Variants in SRGAP3 observed in about 807,000 individuals in gnomAD.
SRGAP3 encodes SLIT-ROBO Rho GTPase-activating protein 3.
SRGAP3 carries 39 observed loss-of-function variants against 121.1 expected under a neutral mutation model. That is an observed-to-expected ratio of 0.32 (90% CI 0.25 to 0.42). The LOEUF is 0.42. Ranked by LOEUF, SRGAP3 falls within the 10% of genes least tolerant of loss-of-function variation. The pLI, the probability that SRGAP3 is intolerant of heterozygous loss-of-function variation, is 1.00. For missense variants in SRGAP3, 1,213 were observed against 1,470.6 expected (o/e 0.82, Z 2.86); for synonymous variants, 601 against 570.0 (o/e 1.05, Z -0.77).
chr3:9,002,655 G>C (rs1942837348), intron 18 of SRGAP3, among the ~76,000 whole-genome samples: 1 of 152,000 alleles, frequency 6.6e-6, no homozygotes, highest in South Asian at 2.1e-4. Flanking sequence ...CCAAAAGCTG[G>C]TTCTTTGAAA....
rs575094778 is a variant in SRGAP3 at position 9,348,969 on chromosome 3, G to A, written n.214+13871C>T. 112 of 926,920 alleles carry A rather than the reference G, an allele frequency of 1.2e-4. 1 individual carries two copies. The South Asian group carries it at 1.4e-3, about 12-fold the overall frequency. 57.4% of individuals were successfully genotyped at this position (926,920 alleles called of 1,614,324 possible). A position where few individuals can be genotyped will look rare whatever the true frequency, so the allele number is the denominator to read the frequency against. ...GAAATAGTTCCCCAGATCAAGGAGG[G>A]GAAGCAGGTACTAATTGCAGCCCAT... On this transcript the variant is annotated intron_variant and non_coding_transcript_variant, in intron 1 of 3. Coordinates refer to the SRGAP3 transcript ENST00000490889.
chr3:9,010,377 G>A lies in SRGAP3; in HGVS notation c.2158C>T (p.His720Tyr). The change falls in exon 18 of 22, where the codon CAC (histidine) becomes TAC (tyrosine). Residue 720 changes from histidine to tyrosine, a missense_variant. Physicochemically the swap from His to Tyr is moderately conservative, Grantham distance 83 (BLOSUM62 2). Coordinates refer to ENST00000383836, the MANE Select transcript of SRGAP3 (RefSeq NM_014850.4). ...TCATCGATGGCCCCTGGCTCGCTGT[G>A]TGGGCTGTCACTGCAAGGAAACACG... ...AGGEEYCDSP[H>Y]SEPGAIDEVD... is the part of the protein sequence containing the mutation. The A allele has an allele frequency of 6.2e-7, 1 of 1,614,108 alleles. No homozygotes were observed. The highest frequency in any genetic ancestry group is 2.2e-5 in the East Asian group (1 of 44,876).
chr3:8,999,431 C>G (rs1942615021), intron 18 of SRGAP3, among the ~76,000 whole-genome samples: 1 of 152,206 alleles, frequency 6.6e-6, no homozygotes, highest in Non-Finnish European at 1.5e-5. Context: ...CATCAAATCC[C>G]TCCCTCTAGC....
At chr3:9,038,216 C>T (rs1944857476) in intron 10 of SRGAP3, 126 bp from the exon 11 acceptor site, 11 of 1,298,464 alleles carry the variant, frequency 8.5e-6, no homozygotes, top group Non-Finnish European at 1.2e-5. Flanking sequence ...TCTAATTATG[C>T]CTAAGGTGCG....
chr3:9,108,543 G>A (rs912167660), intron 2 of SRGAP3, among the ~76,000 whole-genome samples: 2 of 152,302 alleles, frequency 1.3e-5, no homozygotes, highest in East Asian at 1.9e-4. Context: ...ACTGGAGCCC[G>A]GGAGGTGGAA....
In SRGAP3 at chr3:9,032,775, A is replaced by G. The variant is rs780102931; in HGVS notation, c.1437-23T>C. 16 of 1,603,848 alleles carry G rather than the reference A, an allele frequency of 1.0e-5. No individual in the cohort carries two copies. In the Admixed American group the frequency reaches 2.5e-4, roughly 25 times the overall value. On this transcript the variant is annotated intron_variant, in intron 11 of 21. Coordinates refer to ENST00000383836, the MANE Select transcript of SRGAP3 (RefSeq NM_014850.4). ...GGCCTAGGGGAAAACGGAACAAAAG[A>G]AATCAAGAAAGCAACCAACATAAAC...
chr3:9,001,533 T>C (rs989706932), intron 18 of SRGAP3, among the ~76,000 whole-genome samples: 6 of 152,066 alleles, frequency 3.9e-5, no homozygotes, highest in African/African-American at 7.2e-5. Context: ...AAAAAAGATA[T>C]GAGACACACA....
At chr3:9,052,360 C>G (rs1288488505) in intron 9 of SRGAP3, among the ~76,000 whole-genome samples, 1 of 152,118 alleles carries the variant, frequency 6.6e-6, no homozygotes, top group African/African-American at 2.4e-5. Flanking sequence ...AAAGGGCTGT[C>G]TGGGGAAAAA....
At chr3:9,298,157 T>TA (rs1390715898) in intron 3 of SRGAP3, among the ~76,000 whole-genome samples, 1 of 152,206 alleles carries the variant, frequency 6.6e-6, no homozygotes, top group African/African-American at 2.4e-5. Flanking sequence ...TGACCTCAGT[T>TA]TTCTGAAAGA....
chr3:9,171,901 A>C (rs568009702), intron 1 of SRGAP3, among the ~76,000 whole-genome samples: 2 of 152,008 alleles, frequency 1.3e-5, no homozygotes, highest in East Asian at 1.9e-4. Context: ...CAAGGCTGTG[A>C]GGGTGAATCT....
intron 19 of SRGAP3, chr3:8,994,114 G>C (rs748821299): frequency 1.7e-6 from 1 of 593,168 alleles, no homozygotes; most frequent in Non-Finnish European, 3.0e-6. Flanking sequence ...ATGTAGGCCA[G>C]AGGCACCCAA....
chr3:9,035,870 GC>G (rs769188757), intron 11 of SRGAP3: 1 of 153,298 alleles, frequency 6.5e-6, no homozygotes, highest in South Asian at 2.1e-4. Flanking sequence ...TGCCAGTCGG[GC>G]CCTTGGAGGC....
At position 9,122,715 on chromosome 3, in the gene SRGAP3, A is replaced by G. The variant is rs183589697; in HGVS notation, c.260+2010T>C. On this transcript the variant is annotated intron_variant, in intron 2 of 21. Coordinates refer to ENST00000383836, the MANE Select transcript of SRGAP3 (RefSeq NM_014850.4). The stretch of plus-strand genomic sequence containing the variant: ...CAGAGCAAGACTCCGTCTCAAAAAA[A>G]AAAAAAAAAAAGGGAGAAGATAGGG... Among the ~76,000 whole-genome samples the G allele has an allele frequency of 4.2e-3, 645 of 152,034 alleles. 10 individuals are homozygous for G. Among genetic ancestry groups the G allele is most frequent in the Admixed American group, 0.024 (370 of 15,274 alleles).
intron 1 of SRGAP3, among the ~76,000 whole-genome samples, chr3:9,197,751 T>A (rs1951957580): frequency 6.6e-6 from 1 of 152,252 alleles, no homozygotes; most frequent in Non-Finnish European, 1.5e-5. Context: ...AGAATCCCTG[T>A]TCTCTAACTA....
At chr3:8,989,468 C>CACA (rs1941911569) in intron 21 of SRGAP3, among the ~76,000 whole-genome samples, 1 of 152,236 alleles carries the variant, frequency 6.6e-6, no homozygotes, top group Non-Finnish European at 1.5e-5. Flanking sequence ...TCCTCTAGAA[C>CACA]ACAGCTCATG....
intron 3 of SRGAP3, among the ~76,000 whole-genome samples, chr3:9,087,694 T>C (rs997693823): frequency 6.6e-6 from 1 of 152,106 alleles, no homozygotes; most frequent in African/African-American, 2.4e-5. Flanking sequence ...TTGGGTCAGA[T>C]CACAGAGGCG....
chr3:9,183,402 T>C (rs997064660), intron 1 of SRGAP3, among the ~76,000 whole-genome samples: 2 of 152,196 alleles, frequency 1.3e-5, no homozygotes, highest in African/African-American at 4.8e-5. Flanking sequence ...CATGAAAACA[T>C]GGAATACCTG....
At chr3:9,347,505 A>C (rs1256937432) in intron 1 of SRGAP3, among the ~76,000 whole-genome samples, 1 of 152,234 alleles carries the variant, frequency 6.6e-6, no homozygotes, top group Non-Finnish European at 1.5e-5. Context: ...TAATCTAAGC[A>C]TAAACAAGGC....
chr3:9,300,418 C>T (rs192544442), intron 3 of SRGAP3, among the ~76,000 whole-genome samples: 42 of 151,970 alleles, frequency 2.8e-4, no homozygotes, highest in Admixed American at 2.3e-3. Context: ...GTGACGCTTC[C>T]TCACATCTCC....
Sources: gnomAD v4.1 joint callset for allele counts (sites outside exome capture counted in the v4.1 genomes callset) on GRCh38, gnomAD v4.1.1 for gene constraint, MANE v1.5 for transcripts, NCBI Gene and HGNC (gene_info 2026-07-23, HGNC 2026-07-21) for gene names.